The following ADAMTS12 variants were observed in gnomAD, a reference collection of about 807,000 sequenced individuals.
ADAMTS12 encodes the protein A disintegrin and metalloproteinase with thrombospondin motifs 12.
In ADAMTS12, 118 loss-of-function variants were observed where a neutral mutation model predicts 167.8. The ratio of observed to expected loss-of-function variants is 0.70; its 90% CI spans 0.61 to 0.82. ADAMTS12 has a LOEUF of 0.82. Ranked by LOEUF, ADAMTS12 falls within the 40% of genes least tolerant of loss-of-function variation. The pLI is 0.00. For synonymous variants in ADAMTS12, 704 were observed against 716.9 expected (o/e 0.98, Z 0.29); for missense variants, 1,916 against 1,998.8 (o/e 0.96, Z 0.79).
At chr5:33,586,255 A>T (rs1747346195) in intron 18 of ADAMTS12, among the ~76,000 whole-genome samples, 1 of 152,260 alleles carries the variant, frequency 6.6e-6, no homozygotes, top group South Asian at 2.1e-4. Context: ...TGTCAAAGAC[A>T]TTTCATCATA....
intron 3 of ADAMTS12, among the ~76,000 whole-genome samples, chr5:33,729,075 G>A (rs1744085054): frequency 6.6e-6 from 1 of 152,160 alleles, no homozygotes; most frequent in African/African-American, 2.4e-5. Flanking sequence ...TATTAGCTTG[G>A]TATGATGATG....
chr5:33,580,165 GA>G (rs111891573), intron 18 of ADAMTS12, among the ~76,000 whole-genome samples: 4,836 of 152,306 alleles, frequency 0.032, 100 homozygotes, highest in South Asian at 0.051. Flanking sequence ...CAGGAGTGAA[GA>G]AAAGCTACTG....
Position 33,649,052 on chromosome 5 carries a change from T to C in ADAMTS12, c.1335-86A>G, listed in dbSNP as rs1034592293. 3.1e-5 allele frequency: 47 copies of C among 1,518,238 alleles called. No individual in the cohort carries two copies. In the Admixed American group the frequency reaches 4.2e-4, roughly 14 times the overall value. 94.0% of individuals were successfully genotyped at this position (1,518,238 alleles called of 1,614,324 possible). On this transcript the variant is annotated intron_variant, in intron 8 of 23. Coordinates refer to ENST00000504830, the MANE Select transcript of ADAMTS12 (RefSeq NM_030955.4). ...TCATTCAACAGAAACTTCCCTCTGG[T>C]TTACTCTTTGTCCTTTAAGACAACT...
chr5:33,543,548 G>A (rs1744812103), intron 22 of ADAMTS12, among the ~76,000 whole-genome samples: 1 of 152,170 alleles, frequency 6.6e-6, no homozygotes, highest in Non-Finnish European at 1.5e-5. Flanking sequence ...AAGCCTGGCA[G>A]AGACACAACA....
rs772373901 is a variant in ADAMTS12 at position 33,561,185 on chromosome 5, G to A, written c.3973-6C>T. On this transcript the variant is annotated splice_polypyrimidine_tract_variant and splice_region_variant and intron_variant, in intron 19 of 23. Transcript: ENST00000504830. Reference sequence around the variant, plus strand: ...AGGCCACATGTGGTGGAGCACTGTAGCAGGGAAGGAGAGAGATGACAGAGG... The same window carrying A: ...AGGCCACATGTGGTGGAGCACTGTAACAGGGAAGGAGAGAGATGACAGAGG... 5 of 1,613,166 alleles carry A rather than the reference G, an allele frequency of 3.1e-6. No individual in the cohort carries two copies. Among genetic ancestry groups the A allele is most frequent in the Non-Finnish European group, 4.2e-6 (5 of 1,179,744 alleles).
chr5:33,552,355 C>T (rs1430744447), intron 20 of ADAMTS12, among the ~76,000 whole-genome samples: 2 of 152,156 alleles, frequency 1.3e-5, no homozygotes, highest in Non-Finnish European at 2.9e-5. Context: ...TTAATCACTG[C>T]ACTTCTCTAA....
At chr5:33,632,404 C>CAAACAAACAAAG (rs1220729126) in intron 12 of ADAMTS12, among the ~76,000 whole-genome samples, 2 of 151,960 alleles carry the variant, frequency 1.3e-5, no homozygotes, top group Non-Finnish European at 2.9e-5. Flanking sequence ...CAAAAACAAA[C>CAAACAAACAAAG]AAACAAACAA....
intron 14 of ADAMTS12, among the ~76,000 whole-genome samples, chr5:33,616,944 T>C (rs186075406): frequency 6.6e-5 from 10 of 152,344 alleles, no homozygotes; most frequent in Admixed American, 3.9e-4. Flanking sequence ...ACTTTCTTTA[T>C]GATTCTTGAG....
At chr5:33,655,398 T>C (rs1002104253) in intron 7 of ADAMTS12, among the ~76,000 whole-genome samples, 2 of 152,068 alleles carry the variant, frequency 1.3e-5, no homozygotes, top group East Asian at 3.9e-4. Context: ...TCTTCTCACG[T>C]TGGGTAGGGT....
intron 5 of ADAMTS12, among the ~76,000 whole-genome samples, chr5:33,663,359 G>A (rs1741334930): frequency 6.6e-6 from 1 of 151,922 alleles, no homozygotes; most frequent in Non-Finnish European, 1.5e-5. Context: ...GGGAGCAAAC[G>A]TGCCCACCCA....
At chr5:33,711,011 T>A (rs1687771916) in intron 3 of ADAMTS12, among the ~76,000 whole-genome samples, 1 of 152,134 alleles carries the variant, frequency 6.6e-6, no homozygotes, top group Non-Finnish European at 1.5e-5. Flanking sequence ...AAAATAAGAA[T>A]GGAAATTATG....
At chr5:33,840,373 C>T (rs1248017870) in intron 2 of ADAMTS12, 1 of 152,210 alleles carries the variant, frequency 6.6e-6, no homozygotes, top group Non-Finnish European at 1.5e-5. Context: ...GCTTCAGTTT[C>T]TCCATCTCAC....
intron 20 of ADAMTS12, among the ~76,000 whole-genome samples, chr5:33,554,899 A>C (rs1561122380): frequency 6.6e-6 from 1 of 152,202 alleles, no homozygotes; most frequent in Non-Finnish European, 1.5e-5. Context: ...CCAGCAAATA[A>C]CTTAGATGAT....
chr5:33,631,831 G>C (rs181226099), intron 12 of ADAMTS12, among the ~76,000 whole-genome samples: 1 of 152,294 alleles, frequency 6.6e-6, no homozygotes, highest in African/African-American at 2.4e-5. Context: ...GGTCTCTTCT[G>C]GATGTGTTTA....
intron 13 of ADAMTS12, among the ~76,000 whole-genome samples, chr5:33,627,130 TGTGGTGGTG>T (rs372666390): frequency 6.8e-5 from 9 of 133,010 alleles, no homozygotes; most frequent in African/African-American, 2.6e-4. Flanking sequence ...GTGGTGGTGA[TGTGGTGGTG>T]GTGGTGGTGG....
chr5:33,793,878 C>A (rs1278836806), intron 2 of ADAMTS12, among the ~76,000 whole-genome samples: 1 of 152,200 alleles, frequency 6.6e-6, no homozygotes, highest in East Asian at 1.9e-4. Context: ...TAGTTCTTCC[C>A]CCCTCCCCGC....
intron 20 of ADAMTS12, among the ~76,000 whole-genome samples, chr5:33,550,108 C>T (rs1252396087): frequency 1.3e-5 from 2 of 152,170 alleles, no homozygotes; most frequent in Non-Finnish European, 2.9e-5. Context: ...TCCTCTCTGA[C>T]CCCACCCCTT....
In ADAMTS12 at chr5:33,708,444, G is replaced by A. The variant is rs542081446; in HGVS notation, c.635-24389C>T. ...CATTCGACCCAGCAATCCCATTACT[G>A]GGTATATACCCAAAGGATTATAAAT... On this transcript the variant is annotated intron_variant, in intron 3 of 23. Transcript: ENST00000504830. Among the ~76,000 whole-genome samples, 9 of 152,238 alleles carry A rather than the reference G, an allele frequency of 5.9e-5. No homozygotes were observed. The South Asian group carries it at 1.9e-3, about 32-fold the overall frequency.
At chr5:33,851,305 G>A (rs566830130) in intron 2 of ADAMTS12, among the ~76,000 whole-genome samples, 9 of 152,168 alleles carry the variant, frequency 5.9e-5, no homozygotes, top group Non-Finnish European at 1.0e-4. Flanking sequence ...CCAGCTACTC[G>A]GGAGGCTGAG....
Sources: allele counts gnomAD v4.1 joint callset (sites outside exome capture counted in the v4.1 genomes callset), GRCh38; gene constraint gnomAD v4.1.1; transcripts MANE v1.5; gene names NCBI Gene and HGNC (gene_info 2026-07-23, HGNC 2026-07-21).